TRIM39: variants seen among roughly 807,000 people sequenced by gnomAD.
The protein encoded by TRIM39 is E3 ubiquitin-protein ligase TRIM39.
A neutral mutation model predicts 53.6 loss-of-function variants in TRIM39; 5 were observed. That is an observed-to-expected ratio of 0.09 (90% CI 0.05 to 0.20). The LOEUF (loss-of-function observed/expected upper bound fraction) is 0.20, where lower values mean the gene tolerates loss of function less well. TRIM39 is among the 10% of genes least tolerant of loss of function. TRIM39 has a pLI of 1.00. For missense variants in TRIM39, 310 were observed against 621.0 expected (o/e 0.50, Z 5.32); for synonymous variants, 196 against 237.6 (o/e 0.82, Z 1.61).
In TRIM39 at chr6:30,342,659, G is replaced by A. The variant is rs961017377; in HGVS notation, c.*400G>A. 4 of 265,402 alleles carry A rather than the reference G, an allele frequency of 1.5e-5. No individual in the cohort carries two copies. The highest frequency in any genetic ancestry group is 8.4e-5 in the East Asian group (1 of 11,966). The allele number at this position is 265,402 out of a possible 1,614,324, so 16.4% of individuals were successfully genotyped here. A position where few individuals can be genotyped will look rare whatever the true frequency, so the allele number is the denominator to read the frequency against. ...CTTTTTAGGGGGTTCTTTGACCCAG[G>A]ATAGTCTTGCTTCTTGAGGTAGATC... On this transcript the variant is annotated 3_prime_UTR_variant, in exon 8 of 8. Coordinates refer to ENST00000396551, the Ensembl canonical transcript of TRIM39. This position sits in a 1 kb window ranked among gnomAD's most constrained non-coding sequence, Gnocchi z 4.7.
chr6:30,328,281 C>G (rs1256043336), intron 1 of TRIM39, among the ~76,000 whole-genome samples: 1 of 152,184 alleles, frequency 6.6e-6, no homozygotes, highest in Non-Finnish European at 1.5e-5. Flanking sequence ...TCGTTGCTCT[C>G]TTTTCAAGAA....
chr6:30,328,303 G>A (rs945979874), intron 1 of TRIM39, among the ~76,000 whole-genome samples: 1 of 152,224 alleles, frequency 6.6e-6, no homozygotes, highest in Non-Finnish European at 1.5e-5. Context: ...TCGTTGGCCT[G>A]AGCTCAGCAA....
intron 4 of TRIM39, among the ~76,000 whole-genome samples, chr6:30,331,211 G>C (rs1786112155): frequency 6.6e-6 from 1 of 152,030 alleles, no homozygotes; most frequent in African/African-American, 2.4e-5. Flanking sequence ...GGAGGTTGCA[G>C]TGAGCCAAGA....
chr6:30,334,330 G>A (rs1786600202), intron 4 of TRIM39, among the ~76,000 whole-genome samples: 1 of 152,070 alleles, frequency 6.6e-6, no homozygotes, highest in African/African-American at 2.4e-5. Context: ...ATCACTATTT[G>A]TTGTAGTGGA....
Position 30,342,339 on chromosome 6 carries a change from T to G in TRIM39, c.*80T>G, listed in dbSNP as rs932988329. On this transcript the variant is annotated 3_prime_UTR_variant, in exon 8 of 8. Transcript: ENST00000396551. This position sits in a 1 kb window ranked among gnomAD's most constrained non-coding sequence, Gnocchi z 4.7. ...CCTTCCCGTGTCCTGCTGGAACGTCTTCGTGTCCACCTGGGTCCAGTCCTG... is the reference window on the plus strand; with the variant it reads ...CCTTCCCGTGTCCTGCTGGAACGTCGTCGTGTCCACCTGGGTCCAGTCCTG... 6.8e-7 allele frequency: 1 copy of G among 1,468,910 alleles called. No homozygotes were observed. The highest frequency in any genetic ancestry group is 1.4e-5 in the African/African-American group (1 of 72,030). 91.0% of individuals were successfully genotyped at this position (1,468,910 alleles called of 1,614,324 possible).
intron 4 of TRIM39, among the ~76,000 whole-genome samples, chr6:30,331,978 C>T (rs1786237507): frequency 6.6e-6 from 1 of 151,980 alleles, no homozygotes; most frequent in Non-Finnish European, 1.5e-5. Flanking sequence ...AGAGTTCAGG[C>T]CAAATTGGGA....
intron 6 of TRIM39, chr6:30,340,154 T>A (rs1325559459): frequency 9.3e-7 from 1 of 1,080,344 alleles, no homozygotes; most frequent in Non-Finnish European, 1.4e-6. Context: ...AGAAGGAGAA[T>A]GATAAGGTAG....
At position 30,341,903 on chromosome 6, in the gene TRIM39, G is replaced by A. The variant is rs780423737; in HGVS notation, c.1111G>A (p.Asp371Asn). ...ACACTACTGGGAGGTGGAGGTGGGCGACAAGACCCACTGGGCAGTGGGTGT... is the reference window on the plus strand; with the variant it reads ...ACACTACTGGGAGGTGGAGGTGGGCAACAAGACCCACTGGGCAGTGGGTGT... Residue 371 changes from aspartate to asparagine, a missense_variant, in exon 8 of 8, where the codon GAC becomes AAC. Physicochemically the swap from Asp to Asn is conservative, Grantham distance 23 (BLOSUM62 1). This residue lies in a region of TRIM39 where 75 missense variants were observed against 244.8 expected (regional missense o/e 0.31). Coordinates refer to ENST00000396551, the Ensembl canonical transcript of TRIM39. 7.4e-6 allele frequency: 12 copies of A among 1,612,914 alleles called. No homozygotes were observed. Among genetic ancestry groups the A allele is most frequent in the African/African-American group, 2.7e-5 (2 of 74,892 alleles).
In TRIM39 at chr6:30,342,356, C is replaced by T. The variant is rs1787643741; in HGVS notation, c.*97C>T. The T allele has an allele frequency of 1.8e-5, 24 of 1,321,986 alleles. No individual in the cohort carries two copies. The highest frequency in any genetic ancestry group is 2.4e-5 in the Non-Finnish European group (23 of 944,106). The allele number at this position is 1,321,986 out of a possible 1,614,324, so 81.9% of individuals were successfully genotyped here. A position where few individuals can be genotyped will look rare whatever the true frequency, so the allele number is the denominator to read the frequency against. ...GGAACGTCTTCGTGTCCACCTGGGT[C>T]CAGTCCTGAATCATCTTGGAGAAAC... On this transcript the variant is annotated 3_prime_UTR_variant, in exon 8 of 8. Coordinates refer to ENST00000396551, the Ensembl canonical transcript of TRIM39. The surrounding 1 kb of genome is among the most constrained non-coding windows in gnomAD (Gnocchi z 4.7).
rs572339920 is a variant in TRIM39, at chr6:30,329,141, CAA to C, written c.-8+102_-8+103del. ...GTCACAAGTTTTGAAAATGGAGAAACAAAGAGGTTGAATTGATTGGAAGAGAA... is the reference window on the plus strand; with the variant it reads ...GTCACAAGTTTTGAAAATGGAGAAACAGAGGTTGAATTGATTGGAAGAGAA... On this transcript the variant is annotated intron_variant, in intron 2 of 7. Coordinates refer to ENST00000396551, the Ensembl canonical transcript of TRIM39. The C allele has an allele frequency of 6.9e-5, 54 of 782,094 alleles. No individual in the cohort carries two copies. In the South Asian group the frequency reaches 7.0e-4, roughly 10 times the overall value. 48.4% of individuals were successfully genotyped at this position (782,094 alleles called of 1,614,324 possible). A position where few individuals can be genotyped will look rare whatever the true frequency, so the allele number is the denominator to read the frequency against.
At chr6:30,336,230 AAGG>A in intron 5 of TRIM39, 2 of 714,202 alleles carry the variant, frequency 2.8e-6, no homozygotes, top group Non-Finnish European at 5.0e-6. Context: ...ATTCTTTTGA[AAGG>A]AGGGAAGTCT....
exon 8 of TRIM39, chr6:30,341,923 G>T: frequency 6.2e-7 from 1 of 1,613,090 alleles, no homozygotes; most frequent in Non-Finnish European, 8.5e-7. Flanking sequence ...ACTGGGCAGT[G>T]GGTGTATGCC....
intron 2 of TRIM39, 123 bp from the exon 3 acceptor site, chr6:30,329,188 G>A (rs1453241622): frequency 1.5e-5 from 17 of 1,134,480 alleles, no homozygotes; most frequent in Non-Finnish European, 2.1e-5. Flanking sequence ...TAACAAGAAG[G>A]GGCAAATCTG....
intron 1 of TRIM39, among the ~76,000 whole-genome samples, chr6:30,327,969 G>C (rs933300799): frequency 3.9e-5 from 6 of 152,180 alleles, no homozygotes; most frequent in East Asian, 1.9e-4. Context: ...CTTCCTTCCA[G>C]TAGGTCCCTG....
At chr6:30,328,049 T>C (rs1211423157) in intron 1 of TRIM39, among the ~76,000 whole-genome samples, 1 of 152,166 alleles carries the variant, frequency 6.6e-6, no homozygotes, top group Non-Finnish European at 1.5e-5. Context: ...TGGCTAAAAG[T>C]ATGGATGTTT....
intron 5 of TRIM39, 88 bp downstream of exon 5, chr6:30,336,063 C>T (rs1786819014): frequency 6.5e-7 from 1 of 1,540,126 alleles, no homozygotes. Flanking sequence ...GATACTCATT[C>T]TTCTGCTCTC....
At position 30,330,988 on chromosome 6, in the gene TRIM39, C is replaced by T. The variant is rs1233455305; in HGVS notation, c.549+112C>T. The T allele has an allele frequency of 7.1e-6, 9 of 1,276,184 alleles. No individual in the cohort carries two copies. In the South Asian group the frequency reaches 8.5e-5, roughly 12 times the overall value. 79.1% of individuals were successfully genotyped at this position (1,276,184 alleles called of 1,614,324 possible). A position where few individuals can be genotyped will look rare whatever the true frequency, so the allele number is the denominator to read the frequency against. On this transcript the variant is annotated intron_variant, in intron 4 of 7. Coordinates refer to ENST00000396551, the Ensembl canonical transcript of TRIM39. ...CGGTTCATTAGAAAAATGCAGTTCTCGCCGGACATGGTGGCTCACACCTGT... is the reference window on the plus strand; with the variant it reads ...CGGTTCATTAGAAAAATGCAGTTCTTGCCGGACATGGTGGCTCACACCTGT...
At chr6:30,330,734 C>T (rs1460425218) in intron 3 of TRIM39, 47 bp from the exon 4 acceptor site, 1 of 1,595,566 alleles carries the variant, frequency 6.3e-7, no homozygotes, top group Non-Finnish European at 8.6e-7. Flanking sequence ...GTAGGTATAC[C>T]AGTCAACCCC....
chr6:30,337,634 G>A (rs1787029118), intron 5 of TRIM39, among the ~76,000 whole-genome samples: 1 of 152,118 alleles, frequency 6.6e-6, no homozygotes, highest in African/African-American at 2.4e-5. Flanking sequence ...TCCATTTCTA[G>A]AGCACAAGGA....
Sources: gnomAD v4.1 joint callset for allele counts (sites outside exome capture counted in the v4.1 genomes callset) on GRCh38, gnomAD v4.1.1 for gene constraint, gnomAD v4.1.1 regional missense constraint, Gnocchi (gnomAD v3.1) non-coding constraint, MANE v1.5 for transcripts, NCBI Gene and HGNC (gene_info 2026-07-23, HGNC 2026-07-21) for gene names.